The following GAD1 variants were observed in gnomAD, a reference collection of about 807,000 sequenced individuals.
GAD1 encodes glutamate decarboxylase 1.
GAD1 carries 35 observed loss-of-function variants against 75.2 expected under a neutral mutation model. The ratio of observed to expected loss-of-function variants is 0.47; its 90% CI spans 0.36 to 0.62. The LOEUF is 0.62. Among genes scored for constraint, GAD1 ranks in the 20% least tolerant of loss-of-function variants. The pLI is 0.00. For missense variants in GAD1, 490 were observed against 758.5 expected, an observed-to-expected ratio of 0.65 and a Z score of 4.16; for synonymous variants, 257 against 271.9, an observed-to-expected ratio of 0.95 and a Z score of 0.54.
chr2:170,839,588 C>T (rs1215751093), intron 6 of GAD1, among the ~76,000 whole-genome samples: 2 of 149,464 alleles, frequency 1.3e-5, no homozygotes, highest in Non-Finnish European at 1.5e-5. Flanking sequence ...CACTCCAGCC[C>T]GGGCGACAGA....
In GAD1 at chr2:170,857,589, A is replaced by C. The variant is rs143098371; in HGVS notation, c.1521+464A>C. Among the ~76,000 whole-genome samples, 5 of 152,300 alleles carry C rather than the reference A, an allele frequency of 3.3e-5. No homozygotes were observed. The East Asian group carries it at 9.7e-4, about 29-fold the overall frequency. On this transcript the variant is annotated intron_variant, in intron 15 of 16. Coordinates refer to ENST00000358196, the MANE Select transcript of GAD1 (RefSeq NM_000817.3). Reference sequence around the variant, plus strand: ...AGCAAGACCCTGTCTCTATAAGAAAAAATATATATAATTTATGAAAAGAAA... The same window carrying C: ...AGCAAGACCCTGTCTCTATAAGAAACAATATATATAATTTATGAAAAGAAA...
In GAD1 at chr2:170,853,581, C is replaced by T. The variant is rs895849864; in HGVS notation, c.1264-292C>T. ...AACCCTGGCCCACTGAATGCCGTAG[C>T]ACTTCCCAATCTTGAAACAATCCCA... On this transcript the variant is annotated intron_variant, in intron 13 of 16. Transcript: ENST00000358196. This position sits in a 1 kb window ranked among gnomAD's most constrained non-coding sequence, Gnocchi z 4.1. 2 of 386,404 alleles carry T rather than the reference C, an allele frequency of 5.2e-6. No individual in the cohort carries two copies. The highest frequency in any genetic ancestry group is 4.1e-5 in the African/African-American group (2 of 48,708). The allele number at this position is 386,404 out of a possible 1,614,324, so 23.9% of individuals were successfully genotyped here.
Position 170,826,639 on chromosome 2 carries a change from G to T in GAD1, c.146-2836G>T, listed in dbSNP as rs569174985. 2.0e-3 allele frequency among the ~76,000 whole-genome samples: 302 copies of T among 151,816 alleles called. 2 individuals carry two copies. Among genetic ancestry groups the T allele is most frequent in the Non-Finnish European group, 3.6e-3 (248 of 67,956 alleles). On this transcript the variant is annotated intron_variant, in intron 3 of 16. Transcript: ENST00000358196. ...CATGAGCGCATCTCTGGGAGAGCCT[G>T]TGTCAAAACCTCAAGCCGAGTTTCT...
At chr2:170,852,598 G>A (rs986345239) in intron 12 of GAD1, 116 bp from the exon 13 acceptor site, 12 of 837,840 alleles carry the variant, frequency 1.4e-5, no homozygotes, top group Middle Eastern at 2.5e-4. Flanking sequence ...GTCAATTCAG[G>A]AGAATAGGCA....
intron 10 of GAD1, 86 bp downstream of exon 10, chr2:170,846,149 C>G (rs1414153555): frequency 2.7e-6 from 3 of 1,106,280 alleles, no homozygotes; most frequent in Non-Finnish European, 4.1e-6. Context: ...TAATATGAGA[C>G]AATTTTCTTG....
chr2:170,844,006 CTTTATTTTCT>C, intron 6 of GAD1, 29 bp from the exon 7 acceptor site: 1 of 1,143,634 alleles, frequency 8.7e-7, no homozygotes, highest in Non-Finnish European at 1.3e-6. Context: ...GGTTTGACTT[CTTTATTTTCT>C]TTCATCCTTC....
intron 2 of GAD1, among the ~76,000 whole-genome samples, chr2:170,819,291 GAAAT>G (rs3838553): frequency 0.63 from 93,842 of 149,624 alleles, 31,861 homozygotes; most frequent in Non-Finnish European, 0.75. Flanking sequence ...ACATCTCAGA[GAAAT>G]AAATAAATAA....
intron 6 of GAD1, among the ~76,000 whole-genome samples, chr2:170,842,082 G>A (rs1051127122): frequency 3.3e-5 from 5 of 152,202 alleles, no homozygotes; most frequent in East Asian, 1.9e-4. Flanking sequence ...AAACTCTCTA[G>A]ACTCTTCCTC....
chr2:170,829,281 G>A, intron 3 of GAD1, 194 bp from the exon 4 acceptor site: 1 of 623,948 alleles, frequency 1.6e-6, no homozygotes. Context: ...CTCTGCCACT[G>A]ATGACATTTG....
chr2:170,820,894 T>C (rs1272654078), intron 2 of GAD1, among the ~76,000 whole-genome samples: 4 of 152,252 alleles, frequency 2.6e-5, no homozygotes, highest in Non-Finnish European at 4.4e-5. Flanking sequence ...TTAGATGAGA[T>C]GATGTTGAAA....
chr2:170,819,451 A>C (rs548778779), intron 2 of GAD1, among the ~76,000 whole-genome samples: 1 of 152,216 alleles, frequency 6.6e-6, no homozygotes, highest in South Asian at 2.1e-4. Flanking sequence ...TGTCCCGAAA[A>C]GAGAGAAAGA....
At chr2:170,827,145 C>T (rs893462501) in intron 3 of GAD1, among the ~76,000 whole-genome samples, 2 of 152,158 alleles carry the variant, frequency 1.3e-5, no homozygotes, top group African/African-American at 4.8e-5. Context: ...GCCCCTGGCT[C>T]CCTTGTGTGG....
chr2:170,818,694 C>CT lies in GAD1; in HGVS notation c.82+22dup. 6.2e-7 allele frequency: 1 copy of CT among 1,612,038 alleles called. No individual in the cohort carries two copies. Among genetic ancestry groups the CT allele is most frequent in the Non-Finnish European group, 8.5e-7 (1 of 1,178,062 alleles). On this transcript the variant is annotated intron_variant, in intron 2 of 16. Transcript: ENST00000358196. This position sits in a 1 kb window ranked among gnomAD's most constrained non-coding sequence, Gnocchi z 5.9. ...CACAAGTAGGTCCCGCCCCAATTTT[C>CT]TATCAAATGAACTGCAGGGAAGATG...
intron 6 of GAD1, 47 bp downstream of exon 6, chr2:170,836,930 G>T (rs1702391486): frequency 7.5e-7 from 1 of 1,337,404 alleles, no homozygotes; most frequent in South Asian, 1.2e-5. Flanking sequence ...GTATGACTAT[G>T]GCTTGTTGCT....
intron 15 of GAD1, 23 bp downstream of exon 15, chr2:170,857,148 G>A: frequency 6.4e-7 from 1 of 1,573,970 alleles, no homozygotes; most frequent in Non-Finnish European, 8.7e-7. Flanking sequence ...CATGGACCAG[G>A]TACACAGTAT....
intron 3 of GAD1, among the ~76,000 whole-genome samples, chr2:170,826,230 C>T (rs3828275): frequency 0.36 from 55,298 of 151,866 alleles, 10,765 homozygotes; most frequent in Non-Finnish European, 0.44. Flanking sequence ...ATTCCTAGTA[C>T]ATTACTGGAA....
chr2:170,856,545 C>G (rs1236292412), intron 14 of GAD1, among the ~76,000 whole-genome samples: 1 of 152,024 alleles, frequency 6.6e-6, no homozygotes, highest in African/African-American at 2.4e-5. Context: ...GGACCAATAC[C>G]CTAAAGATTA....
At chr2:170,835,549 G>A (rs1702350655) in intron 5 of GAD1, among the ~76,000 whole-genome samples, 1 of 152,216 alleles carries the variant, frequency 6.6e-6, no homozygotes, top group Non-Finnish European at 1.5e-5. Context: ...ATAAGATTTT[G>A]AAGGACTTTG....
intron 6 of GAD1, among the ~76,000 whole-genome samples, chr2:170,843,192 C>T (rs777346356): frequency 2.2e-4 from 33 of 152,204 alleles, no homozygotes; most frequent in South Asian, 8.3e-4. Flanking sequence ...CGTTTGGTCT[C>T]ACGATCTTGT....
Sources: gnomAD v4.1 joint callset for allele counts (sites outside exome capture counted in the v4.1 genomes callset) on GRCh38, gnomAD v4.1.1 for gene constraint, Gnocchi (gnomAD v3.1) non-coding constraint, MANE v1.5 for transcripts, NCBI Gene and HGNC (gene_info 2026-07-23, HGNC 2026-07-21) for gene names.